BNIP1: variants seen among roughly 807,000 people sequenced by gnomAD.
The protein encoded by BNIP1 is vesicle transport protein SEC20.
Under a neutral mutation model 28.5 loss-of-function variants are expected in BNIP1, and 25 were observed. The observed-to-expected ratio is 0.88, with a 90% confidence interval of 0.64 to 1.23. BNIP1 has a LOEUF of 1.23. BNIP1 is among the 50% of genes most tolerant of loss of function. The pLI, the probability that BNIP1 is intolerant of heterozygous loss-of-function variation, is 0.00. For missense variants in BNIP1, 276 were observed against 277.0 expected (o/e 1.00, Z 0.02); for synonymous variants, 118 against 101.7 (o/e 1.16, Z -0.96).
chr5:173,163,971 G>A lies in BNIP1; in HGVS notation c.*50G>A. On this transcript the variant is annotated 3_prime_UTR_variant, in exon 6 of 6. Coordinates refer to ENST00000351486, the MANE Select transcript of BNIP1 (RefSeq NM_001205.3). ...CCTTTCAGCTCCTGTTTCAGGATCTGTCCTGGTTCCTGAGCTCTAGGCTGC... is the reference window on the plus strand; with the variant it reads ...CCTTTCAGCTCCTGTTTCAGGATCTATCCTGGTTCCTGAGCTCTAGGCTGC... The A allele has an allele frequency of 6.6e-7, 1 of 1,512,312 alleles. No homozygotes were observed. The highest frequency in any genetic ancestry group is 8.9e-7 in the Non-Finnish European group (1 of 1,123,700). The allele number at this position is 1,512,312 out of a possible 1,614,324, so 93.7% of individuals were successfully genotyped here.
At chr5:173,159,856 C>A in intron 4 of BNIP1, 77 bp from the exon 5 acceptor site, 1 of 1,183,834 alleles carries the variant, frequency 8.4e-7, no homozygotes, top group Non-Finnish European at 1.2e-6. Context: ...AACATGAGAT[C>A]TCATTTGGAT....
At chr5:173,162,416 G>A (rs181585319) in intron 5 of BNIP1, among the ~76,000 whole-genome samples, 1 of 152,316 alleles carries the variant, frequency 6.6e-6, no homozygotes, top group African/African-American at 2.4e-5. Context: ...TTGAGGTCAG[G>A]AGTTCGAGAC....
chr5:173,155,596 G>T (rs549096854), intron 3 of BNIP1, among the ~76,000 whole-genome samples: 2 of 152,216 alleles, frequency 1.3e-5, no homozygotes, highest in South Asian at 2.1e-4. Context: ...TACTCGGGAG[G>T]CTGAGGCAGG....
chr5:173,154,504 T>A, intron 3 of BNIP1, 91 bp downstream of exon 3: 1 of 1,008,518 alleles, frequency 9.9e-7, no homozygotes, highest in Non-Finnish European at 1.5e-6. Context: ...GGATCTGCTT[T>A]AATGCTGACT....
In BNIP1 at chr5:173,163,820, C is replaced by T. The variant is rs375030484; in HGVS notation, c.586C>T (p.Arg196Cys). 5.5e-5 allele frequency: 89 copies of T among 1,613,852 alleles called. No homozygotes were observed. Among genetic ancestry groups the T allele is most frequent in the Non-Finnish European group, 6.9e-5 (81 of 1,179,962 alleles). ...CCGGAAGCTTATCACAAAATACAAT[C>T]GCCGGGAGCTGACGGACAAGCTTCT... ...LGRKLITKYN[R>C]RELTDKLLIF... The change falls in exon 6 of 6, where the codon CGC (arginine) becomes TGC (cysteine). Residue 196 changes from arginine to cysteine, a missense_variant. Physicochemically the swap from Arg to Cys is radical, Grantham distance 180. Transcript: ENST00000351486.
chr5:173,145,494 C>A (rs1320785062), intron 1 of BNIP1, among the ~76,000 whole-genome samples: 1 of 152,180 alleles, frequency 6.6e-6, no homozygotes, highest in Non-Finnish European at 1.5e-5. Context: ...CTCCGCCTCC[C>A]GGGTTCCCGC....
intron 2 of BNIP1, among the ~76,000 whole-genome samples, chr5:173,149,549 G>A (rs939207936): frequency 6.6e-6 from 1 of 152,146 alleles, no homozygotes; most frequent in African/African-American, 2.4e-5. Flanking sequence ...ATCCCTGGAT[G>A]GGTCTTGTGG....
At chr5:173,160,739 A>G in intron 5 of BNIP1, 1 of 450,360 alleles carries the variant, frequency 2.2e-6, no homozygotes, top group South Asian at 1.6e-5. Context: ...GGTTGCTCCA[A>G]GAGATGTTTG....
chr5:173,163,414 C>T (rs1174571859), intron 5 of BNIP1, among the ~76,000 whole-genome samples: 1 of 152,220 alleles, frequency 6.6e-6, no homozygotes, highest in Non-Finnish European at 1.5e-5. Flanking sequence ...GGTGGTTTCC[C>T]TGAGCAGCGT....
chr5:173,150,615 C>T (rs946916033), intron 2 of BNIP1, among the ~76,000 whole-genome samples: 1 of 152,090 alleles, frequency 6.6e-6, no homozygotes. Flanking sequence ...ATGTGTCTGT[C>T]TATAAGTATC....
intron 2 of BNIP1, among the ~76,000 whole-genome samples, chr5:173,152,131 C>T (rs892156971): frequency 3.3e-5 from 5 of 152,174 alleles, no homozygotes; most frequent in East Asian, 1.9e-4. Context: ...TGCTCTCCCC[C>T]GCCATTCCTT....
intron 2 of BNIP1, among the ~76,000 whole-genome samples, chr5:173,148,376 C>T (rs908576779): frequency 4.6e-5 from 7 of 151,938 alleles, no homozygotes; most frequent in East Asian, 2.0e-4. Context: ...AGAGGAAACA[C>T]GTATGGAGCT....
chr5:173,162,073 G>T (rs933387146), intron 5 of BNIP1, among the ~76,000 whole-genome samples: 20 of 152,008 alleles, frequency 1.3e-4, no homozygotes, highest in Admixed American at 9.2e-4. Context: ...TTTTAAAAAG[G>T]TAACACATAC....
At chr5:173,162,377 A>G (rs1270581558) in intron 5 of BNIP1, among the ~76,000 whole-genome samples, 1 of 152,206 alleles carries the variant, frequency 6.6e-6, no homozygotes, top group Non-Finnish European at 1.5e-5. Flanking sequence ...TAATCCCAGC[A>G]CTTTGGGAGG....
rs1554090123 is a variant in BNIP1 at position 173,160,060 on chromosome 5, G to A, written c.490+9G>A. 4.3e-6 allele frequency: 7 copies of A among 1,611,996 alleles called. No homozygotes were observed. Among genetic ancestry groups the A allele is most frequent in the Non-Finnish European group, 2.5e-6 (3 of 1,179,022 alleles). On this transcript the variant is annotated intron_variant, in intron 5 of 5. Coordinates refer to ENST00000351486, the MANE Select transcript of BNIP1 (RefSeq NM_001205.3). Reference sequence around the variant, plus strand: ...GGCCATGCAGTCTCTAGGTAAAGCTGGGCCTGGAGTAGGAAGCTTCTCCCA... The same window carrying A: ...GGCCATGCAGTCTCTAGGTAAAGCTAGGCCTGGAGTAGGAAGCTTCTCCCA...
chr5:173,161,089 T>C (rs1186282052), intron 5 of BNIP1: 1 of 296,746 alleles, frequency 3.4e-6, no homozygotes, highest in Non-Finnish European at 6.8e-6. Context: ...CTCGTTTCAG[T>C]TCTACCCTCA....
At chr5:173,163,388 G>T (rs967941938) in intron 5 of BNIP1, among the ~76,000 whole-genome samples, 3 of 152,214 alleles carry the variant, frequency 2.0e-5, no homozygotes, top group African/African-American at 7.2e-5. Context: ...ACGATCCCTG[G>T]GTTGATTTTG....
chr5:173,151,624 C>T (rs1581072278), intron 2 of BNIP1: 2 of 1,608,608 alleles, frequency 1.2e-6, no homozygotes, highest in Non-Finnish European at 8.5e-7. Flanking sequence ...TTTAAGCTAA[C>T]TTATTCCCTG....
intron 2 of BNIP1, among the ~76,000 whole-genome samples, chr5:173,152,301 T>C (rs1760046743): frequency 6.6e-6 from 1 of 152,208 alleles, no homozygotes; most frequent in Non-Finnish European, 1.5e-5. Flanking sequence ...ACAAGGAATA[T>C]ATGTAGTGAA....
Sources: gnomAD v4.1 joint callset for allele counts (sites outside exome capture counted in the v4.1 genomes callset) on GRCh38, gnomAD v4.1.1 for gene constraint, MANE v1.5 for transcripts, NCBI Gene and HGNC (gene_info 2026-07-23, HGNC 2026-07-21) for gene names.